The following RUNX1 variants were observed in gnomAD, a reference collection of about 807,000 sequenced individuals.
RUNX1 encodes RUNX family transcription factor 1.
In RUNX1, 19 loss-of-function variants were observed where a neutral mutation model predicts 42.8. The observed-to-expected ratio is 0.44, with a 90% CI of 0.31 to 0.65. The LOEUF (loss-of-function observed/expected upper bound fraction) is 0.65. RUNX1 is among the 30% of genes least tolerant of loss of function. RUNX1 has a pLI of 0.07. For synonymous variants in RUNX1, 271 were observed against 289.4 expected, an observed-to-expected ratio of 0.94 and a Z score of 0.64; for missense variants, 528 against 672.0, an observed-to-expected ratio of 0.79 and a Z score of 2.37.
At chr21:34,903,556 T>C (rs981044066) in intron 2 of RUNX1, among the ~76,000 whole-genome samples, 3 of 152,200 alleles carry the variant, frequency 2.0e-5, no homozygotes, top group Non-Finnish European at 2.9e-5. Flanking sequence ...TTTTGGGACA[T>C]AGAAAGTCTA....
At chr21:34,818,533 C>T (rs536847940) in intron 7 of RUNX1, among the ~76,000 whole-genome samples, 15 of 152,158 alleles carry the variant, frequency 9.9e-5, no homozygotes, top group Non-Finnish European at 2.1e-4. Context: ...GGAGATGTGT[C>T]TAACAAGGCC....
chr21:35,043,275 T>A (rs1301534831), intron 2 of RUNX1, among the ~76,000 whole-genome samples: 1 of 152,168 alleles, frequency 6.6e-6, no homozygotes, highest in African/African-American at 2.4e-5. Flanking sequence ...ACATACCTCT[T>A]TGCCTTGGCT....
intron 2 of RUNX1, among the ~76,000 whole-genome samples, chr21:35,004,444 C>G (rs960666053): frequency 6.6e-6 from 1 of 152,180 alleles, no homozygotes; most frequent in African/African-American, 2.4e-5. Context: ...TATGGCACAT[C>G]TCAAGGGACT....
At chr21:34,927,072 C>T (rs1364802538) in intron 2 of RUNX1, among the ~76,000 whole-genome samples, 5 of 151,990 alleles carry the variant, frequency 3.3e-5, no homozygotes, top group Admixed American at 2.0e-4. Flanking sequence ...AGAGTTGCTC[C>T]GCCAGCAGTA....
chr21:34,893,768 CT>C lies in RUNX1; in HGVS notation c.59-806del, dbSNP rs1319324255. On this transcript the variant is annotated intron_variant, in intron 2 of 8. Transcript: ENST00000675419. ...ACTCCATGCCACAATATTTAGTATG[CT>C]GTTTTTTTTTTTTTAAAAAAAAACC... Among the ~76,000 whole-genome samples, 11 of 133,662 alleles carry C rather than the reference CT, an allele frequency of 8.2e-5. No homozygotes were observed. The East Asian group carries it at 2.2e-3, about 26-fold the overall frequency. 87.7% of individuals were successfully genotyped at this position (133,662 alleles called of 152,430 possible). A position where few individuals can be genotyped will look rare whatever the true frequency, so the allele number is the denominator to read the frequency against.
chr21:34,869,472 T>C (rs2057708206), intron 5 of RUNX1, among the ~76,000 whole-genome samples: 1 of 152,162 alleles, frequency 6.6e-6, no homozygotes, highest in Non-Finnish European at 1.5e-5. Context: ...TATGTCATCA[T>C]TACGAATCAA....
chr21:34,792,519 G>A lies in RUNX1; in HGVS notation c.1059C>T (p.Phe353=). The A allele has an allele frequency of 6.2e-7, 1 of 1,604,362 alleles. No homozygotes were observed. The highest frequency in any genetic ancestry group is 1.1e-5 in the South Asian group (1 of 89,354). Reference sequence around the variant, plus strand: ...AGGTGACCGGCGTCGGGGAGTAGGTGAAGGCGCCTGGATAGTGCATGCGGG... The same window carrying A: ...AGGTGACCGGCGTCGGGGAGTAGGTAAAGGCGCCTGGATAGTGCATGCGGG... ...SDPRMHYPGA[F]TYSPTPVTSG... The change falls in exon 9 of 9, where the codon TTC becomes TTT. Residue 353 remains phenylalanine, a synonymous_variant. Transcript: ENST00000675419. This position sits in a 1 kb window ranked among gnomAD's most constrained non-coding sequence, Gnocchi z 6.9.
chr21:34,846,526 A>G (rs2057318788), intron 6 of RUNX1, among the ~76,000 whole-genome samples: 1 of 151,944 alleles, frequency 6.6e-6, no homozygotes, highest in South Asian at 2.1e-4. Context: ...AAATCATTCA[A>G]TCTCCTCTTC....
intron 8 of RUNX1, among the ~76,000 whole-genome samples, chr21:34,795,851 C>A (rs1195454237): frequency 1.3e-5 from 2 of 152,202 alleles, no homozygotes; most frequent in African/African-American, 4.8e-5. Flanking sequence ...GAAGCTGGGA[C>A]AGGAGGAAAA....
chr21:34,845,798 T>C (rs1289796598), intron 6 of RUNX1, among the ~76,000 whole-genome samples: 1 of 152,064 alleles, frequency 6.6e-6, no homozygotes, highest in African/African-American at 2.4e-5. Flanking sequence ...AAAGCTACTG[T>C]ATAGGATTTT....
At chr21:34,971,804 T>C (rs1030899226) in intron 2 of RUNX1, among the ~76,000 whole-genome samples, 5 of 152,050 alleles carry the variant, frequency 3.3e-5, no homozygotes, top group Non-Finnish European at 7.4e-5. Context: ...CAATCAAACC[T>C]CAAGCACCAC....
At chr21:34,802,500 T>C (rs2056621596) in intron 7 of RUNX1, among the ~76,000 whole-genome samples, 1 of 152,230 alleles carries the variant, frequency 6.6e-6, no homozygotes, top group East Asian at 1.9e-4. Context: ...CATGTGTTCA[T>C]GAAATTACTT....
intron 2 of RUNX1, among the ~76,000 whole-genome samples, chr21:35,000,139 G>A (rs79395202): frequency 0.015 from 2,298 of 151,796 alleles, 58 homozygotes; most frequent in African/African-American, 0.053. Flanking sequence ...AGGAATTTTT[G>A]TCTCAAGGAA....
chr21:34,952,555 A>G (rs2058616454), intron 2 of RUNX1, among the ~76,000 whole-genome samples: 1 of 152,088 alleles, frequency 6.6e-6, no homozygotes, highest in African/African-American at 2.4e-5. Flanking sequence ...GCTTTGAAGG[A>G]GTGAATTTAT....
chr21:34,914,431 T>C (rs1239819123), intron 2 of RUNX1, among the ~76,000 whole-genome samples: 1 of 152,160 alleles, frequency 6.6e-6, no homozygotes, highest in Non-Finnish European at 1.5e-5. Flanking sequence ...GAGGATGATA[T>C]TGTAACTGCC....
At chr21:34,876,959 C>T (rs755257099) in intron 5 of RUNX1, among the ~76,000 whole-genome samples, 1 of 152,096 alleles carries the variant, frequency 6.6e-6, no homozygotes, top group Non-Finnish European at 1.5e-5. Context: ...TGGGTTCAAG[C>T]GATTCTCCTG....
intron 2 of RUNX1, among the ~76,000 whole-genome samples, chr21:34,937,075 C>T (rs1206367981): frequency 6.6e-6 from 1 of 152,146 alleles, no homozygotes; most frequent in African/African-American, 2.4e-5. Context: ...AGACAGAGGC[C>T]TGGCCTGAAG....
At chr21:34,863,718 C>A (rs1198102855) in intron 5 of RUNX1, among the ~76,000 whole-genome samples, 1 of 151,916 alleles carries the variant, frequency 6.6e-6, no homozygotes, top group Non-Finnish European at 1.5e-5. Context: ...CCACACCCAG[C>A]TAATTTTTTG....
At chr21:34,845,287 G>A (rs1024589653) in intron 6 of RUNX1, among the ~76,000 whole-genome samples, 5 of 152,220 alleles carry the variant, frequency 3.3e-5, no homozygotes, top group African/African-American at 1.2e-4. Context: ...AGCCAGTTAG[G>A]AAATGAAGGA....
Sources: allele counts gnomAD v4.1 joint callset (sites outside exome capture counted in the v4.1 genomes callset), GRCh38; gene constraint gnomAD v4.1.1; non-coding constraint Gnocchi (gnomAD v3.1); transcripts MANE v1.5; gene names NCBI Gene and HGNC (gene_info 2026-07-23, HGNC 2026-07-21).